MSANTD5: variants seen among roughly 807,000 people sequenced by gnomAD.
MSANTD5 encodes the protein uncharacterized protein MSANTD5.
At chr5:178,695,847 T>C (rs1018802788) in intron 2 of MSANTD5, among the ~76,000 whole-genome samples, 1 of 152,206 alleles carries the variant, frequency 6.6e-6, no homozygotes, top group African/African-American at 2.4e-5. Flanking sequence ...TTTCAGAGGC[T>C]ACTGACAGGG....
At chr5:178,704,726 G>C in the MSANTD5 span, among the ~76,000 whole-genome samples, 1 of 152,342 alleles carries the variant, frequency 6.6e-6, no homozygotes, top group African/African-American at 2.4e-5. Flanking sequence ...ATGAGAACCG[G>C]AAGAGTTGCT....
chr5:178,704,308 C>A, the MSANTD5 span, among the ~76,000 whole-genome samples: 1 of 151,912 alleles, frequency 6.6e-6, no homozygotes, highest in Non-Finnish European at 1.5e-5. Flanking sequence ...GGGATGAGGC[C>A]CCCGGGAGAT....
chr5:178,705,479 C>T, the MSANTD5 span, among the ~76,000 whole-genome samples: 3 of 152,130 alleles, frequency 2.0e-5, no homozygotes, highest in Non-Finnish European at 4.4e-5. Context: ...TTATATCTCA[C>T]CCTCCAAGAT....
downstream of MSANTD5, among the ~76,000 whole-genome samples, chr5:178,692,480 G>A (rs1581731761): frequency 6.6e-6 from 1 of 151,970 alleles, no homozygotes; most frequent in East Asian, 1.9e-4. Context: ...CACAAAACCT[G>A]TATCTGGAGG....
At chr5:178,700,760 G>C (rs530320990), upstream of MSANTD5, among the ~76,000 whole-genome samples, 121 of 152,308 alleles carry the variant, frequency 7.9e-4, no homozygotes, top group African/African-American at 2.8e-3. Flanking sequence ...TGAGCCTGGA[G>C]AGGCTCGGAA....
At chr5:178,705,710 C>G in the MSANTD5 span, among the ~76,000 whole-genome samples, 1 of 152,052 alleles carries the variant, frequency 6.6e-6, no homozygotes, top group Non-Finnish European at 1.5e-5. Context: ...TAATCCCCAC[C>G]ACTTTGGGAG....
exon 4 of MSANTD5, chr5:178,694,813 C>T (rs368705152): frequency 1.4e-4 from 21 of 152,296 alleles, no homozygotes; most frequent in South Asian, 4.1e-4. Flanking sequence ...GGCTCCCATC[C>T]GGGTACCTGA....
At chr5:178,695,152 G>T (rs2335443) in intron 3 of MSANTD5, 135 bp downstream of exon 3, 35,159 of 152,084 alleles carry the variant, frequency 0.23, 4,765 homozygotes, top group East Asian at 0.36. Flanking sequence ...CCCCTGTGCT[G>T]TGTGTCGAGG....
chr5:178,703,854 G>A, the MSANTD5 span, among the ~76,000 whole-genome samples: 1 of 151,630 alleles, frequency 6.6e-6, no homozygotes, highest in Non-Finnish European at 1.5e-5. Flanking sequence ...GGTGGCGCGT[G>A]CCCATAGTCC....
chr5:178,696,278 A>G (rs2113853436), intron 1 of MSANTD5, 97 bp from the exon 2 acceptor site: 1 of 151,460 alleles, frequency 6.6e-6, no homozygotes, highest in South Asian at 2.1e-4. Context: ...GCTGGAGTGC[A>G]GTGGCACGAT....
At chr5:178,698,830 A>C (rs1408794317), upstream of MSANTD5, among the ~76,000 whole-genome samples, 2 of 146,462 alleles carry the variant, frequency 1.4e-5, no homozygotes, top group East Asian at 4.0e-4. Flanking sequence ...ATTTCAAGCA[A>C]TCCTCCTGCC....
upstream of MSANTD5, among the ~76,000 whole-genome samples, chr5:178,698,390 C>A (rs1765442125): frequency 6.6e-6 from 1 of 152,074 alleles, no homozygotes; most frequent in African/African-American, 2.4e-5. Flanking sequence ...AGGGAAGCAA[C>A]TCCTAGGTTG....
chr5:178,696,333 C>G (rs1765412181), intron 1 of MSANTD5, among the ~76,000 whole-genome samples, 152 bp from the exon 2 acceptor site: 1 of 152,022 alleles, frequency 6.6e-6, no homozygotes, highest in Non-Finnish European at 1.5e-5. Flanking sequence ...AGTGATTCTC[C>G]TGCTTCAGCC....
chr5:178,698,481 A>G (rs1013169483), upstream of MSANTD5, among the ~76,000 whole-genome samples: 35 of 152,078 alleles, frequency 2.3e-4, no homozygotes, highest in African/African-American at 7.7e-4. Flanking sequence ...GCTTGATTCC[A>G]CTCTACTCAG....
the MSANTD5 span, among the ~76,000 whole-genome samples, chr5:178,705,994 G>A: frequency 7.2e-4 from 109 of 152,096 alleles, no homozygotes; most frequent in Non-Finnish European, 1.3e-3. Context: ...TATTTTGCAC[G>A]AATGAACATC....
At chr5:178,697,530 A>G (rs1765432328) in intron 1 of MSANTD5, 56 bp downstream of exon 1, 1 of 152,256 alleles carries the variant, frequency 6.6e-6, no homozygotes, top group Non-Finnish European at 1.5e-5. Flanking sequence ...AAATGAAATG[A>G]AAGCCAACCC....
downstream of MSANTD5, among the ~76,000 whole-genome samples, chr5:178,694,234 T>C (rs995504900): frequency 6.7e-6 from 1 of 148,222 alleles, no homozygotes; most frequent in African/African-American, 2.5e-5. Context: ...GAGAATTGCT[T>C]GAATCCAGGA....
At chr5:178,702,342 C>T (rs772084441), upstream of MSANTD5, among the ~76,000 whole-genome samples, 1 of 148,670 alleles carries the variant, frequency 6.7e-6, no homozygotes, top group Non-Finnish European at 1.5e-5. Context: ...TCTCTGTCGC[C>T]CAGGCTGGAG....
At chr5:178,701,069 G>GT, upstream of MSANTD5, among the ~76,000 whole-genome samples, 1 of 152,170 alleles carries the variant, frequency 6.6e-6, no homozygotes, top group East Asian at 1.9e-4. Context: ...TGCCTCCCAG[G>GT]TTCACGCCAT....
Sources: allele counts gnomAD v4.1 joint callset (sites outside exome capture counted in the v4.1 genomes callset), GRCh38; gene constraint gnomAD v4.1.1; transcripts MANE v1.5; gene names NCBI Gene and HGNC (gene_info 2026-07-23, HGNC 2026-07-21).